Variants in CNTN6 observed in about 807,000 individuals in gnomAD.
The protein encoded by CNTN6 is contactin-6.
CNTN6 carries 137 observed loss-of-function variants against 122.8 expected under a neutral mutation model. The ratio of observed to expected loss-of-function variants is 1.12; its 90% confidence interval spans 0.97 to 1.29. CNTN6 has a LOEUF of 1.29. Ranked by LOEUF, CNTN6 falls within the 50% of genes most tolerant of loss-of-function variation. The probability of loss-of-function intolerance (pLI) is 0.00; values close to 1 mark genes in which losing one functional copy is unlikely to be tolerated. For synonymous variants in CNTN6, 570 were observed against 426.0 expected (o/e 1.34, Z -4.16); for missense variants, 1,634 against 1,223.4 (o/e 1.34, Z -5.01).
At chr3:1,324,358 C>G (rs961010197) in intron 8 of CNTN6, among the ~76,000 whole-genome samples, 3 of 149,734 alleles carry the variant, frequency 2.0e-5, no homozygotes, top group African/African-American at 5.1e-5. Context: ...CCTCTCGGCC[C>G]TGCTTCTTAC....
chr3:1,334,041 CTG>C, intron 11 of CNTN6, among the ~76,000 whole-genome samples: 2 of 152,196 alleles, frequency 1.3e-5, no homozygotes, highest in East Asian at 3.9e-4. Context: ...GAAGTCTTGG[CTG>C]TTTTAAGAGT....
chr3:1,155,787 T>C (rs994977767), intron 2 of CNTN6, among the ~76,000 whole-genome samples: 7 of 145,738 alleles, frequency 4.8e-5, no homozygotes, highest in Non-Finnish European at 7.4e-5. Flanking sequence ...TGATCCACCA[T>C]TGCCTCTCCC....
intron 1 of CNTN6, among the ~76,000 whole-genome samples, chr3:1,101,312 C>T (rs1017467023): frequency 6.6e-6 from 1 of 152,166 alleles, no homozygotes; most frequent in Non-Finnish European, 1.5e-5. Context: ...CCTTGCCAGT[C>T]TGAGTTTCTC....
intron 2 of CNTN6, among the ~76,000 whole-genome samples, chr3:1,217,046 AT>A (rs1228489933): frequency 6.6e-6 from 1 of 152,214 alleles, no homozygotes; most frequent in African/African-American, 2.4e-5. Context: ...AATGTGACAT[AT>A]TTTATAAACA....
intron 2 of CNTN6, among the ~76,000 whole-genome samples, chr3:1,177,953 T>A (rs923489205): frequency 1.3e-5 from 2 of 149,736 alleles, no homozygotes; most frequent in East Asian, 4.0e-4. Context: ...TAGGCTGGAG[T>A]ACAGTGGTGC....
At chr3:1,274,783 AAC>A (rs1692017176) in intron 4 of CNTN6, among the ~76,000 whole-genome samples, 1 of 152,178 alleles carries the variant, frequency 6.6e-6, no homozygotes, top group East Asian at 1.9e-4. Flanking sequence ...GGTTGGCCCT[AAC>A]CACTCAGAAT....
In CNTN6 at chr3:1,231,544, T is replaced by G. The variant is rs147232395; in HGVS notation, c.358+3551T>G. On this transcript the variant is annotated intron_variant, in intron 4 of 22. Coordinates refer to ENST00000446702, the MANE Select transcript of CNTN6 (RefSeq NM_001289080.2). Reference sequence around the variant, plus strand: ...TTATTTTAGACACAGACTGTAACACTCTGCTTCATTATGAATCGTCTCATC... The same window carrying G: ...TTATTTTAGACACAGACTGTAACACGCTGCTTCATTATGAATCGTCTCATC... 4.9e-3 allele frequency among the ~76,000 whole-genome samples: 750 copies of G among 152,316 alleles called. 2 individuals are homozygous for G. The highest frequency in any genetic ancestry group is 5.7e-3 in the Non-Finnish European group (386 of 68,030).
chr3:1,121,763 C>G (rs1389352906), intron 1 of CNTN6, among the ~76,000 whole-genome samples: 1 of 151,842 alleles, frequency 6.6e-6, no homozygotes, highest in Non-Finnish European at 1.5e-5. Flanking sequence ...GATAGTAAGA[C>G]CATCATTTAC....
intron 3 of CNTN6, among the ~76,000 whole-genome samples, chr3:1,223,276 T>C (rs1272472831): frequency 6.6e-6 from 1 of 152,192 alleles, no homozygotes; most frequent in Non-Finnish European, 1.5e-5. Flanking sequence ...ATTGGTGACT[T>C]TGGAATAATC....
chr3:1,401,393 TAATTAACATTC>T, intron 20 of CNTN6, 29 bp from the exon 21 acceptor site: 1 of 1,509,586 alleles, frequency 6.6e-7, no homozygotes, highest in African/African-American at 1.4e-5. Context: ...GACCATGAGC[TAATTAACATTC>T]ATTTGGATCT....
chr3:1,132,418 A>G (rs990035575), intron 1 of CNTN6, among the ~76,000 whole-genome samples: 13 of 152,186 alleles, frequency 8.5e-5, no homozygotes, highest in African/African-American at 3.1e-4. Context: ...ATGACACACC[A>G]GAGATATATG....
chr3:1,348,354 C>G (rs532524238), intron 11 of CNTN6, among the ~76,000 whole-genome samples: 2 of 151,948 alleles, frequency 1.3e-5, no homozygotes, highest in East Asian at 3.9e-4. Flanking sequence ...ATTAGCATGA[C>G]CATTATTAGT....
chr3:1,253,957 G>A (rs1008614463), intron 4 of CNTN6, among the ~76,000 whole-genome samples: 2 of 152,106 alleles, frequency 1.3e-5, no homozygotes, highest in African/African-American at 4.8e-5. Context: ...TTTTGCATGT[G>A]CTTACATGTC....
intron 4 of CNTN6, among the ~76,000 whole-genome samples, chr3:1,270,123 C>G (rs2094998842): frequency 6.6e-6 from 1 of 152,080 alleles, no homozygotes; most frequent in African/African-American, 2.4e-5. Flanking sequence ...ATAATAATAT[C>G]ATGAACACCA....
intron 1 of CNTN6, among the ~76,000 whole-genome samples, chr3:1,139,185 C>G (rs942912521): frequency 6.6e-6 from 1 of 152,148 alleles, no homozygotes; most frequent in African/African-American, 2.4e-5. Flanking sequence ...GTAATGGCAA[C>G]AGTGACCAGG....
chr3:1,278,270 A>T, intron 4 of CNTN6, 143 bp from the exon 5 acceptor site: 1 of 568,578 alleles, frequency 1.8e-6, no homozygotes, highest in Non-Finnish European at 3.1e-6. Context: ...AAGTGCAGTT[A>T]AATTGATTGT....
At chr3:1,395,619 C>G (rs1283731920) in intron 20 of CNTN6, among the ~76,000 whole-genome samples, 1 of 152,142 alleles carries the variant, frequency 6.6e-6, no homozygotes, top group African/African-American at 2.4e-5. Flanking sequence ...TTGGAGCCAC[C>G]TGAATCATCC....
At chr3:1,216,451 G>A (rs1036863927) in intron 2 of CNTN6, among the ~76,000 whole-genome samples, 14 of 151,968 alleles carry the variant, frequency 9.2e-5, no homozygotes, top group Admixed American at 9.2e-4. Flanking sequence ...TTCTTTTCAG[G>A]CATTGTTAAT....
chr3:1,143,682 A>C (rs2092663552), intron 1 of CNTN6, among the ~76,000 whole-genome samples: 1 of 152,220 alleles, frequency 6.6e-6, no homozygotes, highest in Non-Finnish European at 1.5e-5. Flanking sequence ...CACAAATGAA[A>C]CTTTTACAAA....
Sources: allele counts gnomAD v4.1 joint callset (sites outside exome capture counted in the v4.1 genomes callset), GRCh38; gene constraint gnomAD v4.1.1; transcripts MANE v1.5; gene names NCBI Gene and HGNC (gene_info 2026-07-23, HGNC 2026-07-21).